KIAA1549: variants seen among roughly 807,000 people sequenced by gnomAD.
KIAA1549 encodes KIAA1549.
In KIAA1549, 70 loss-of-function variants were observed where a neutral mutation model predicts 156.4. The ratio of observed to expected loss-of-function variants is 0.45; its 90% confidence interval spans 0.37 to 0.55. The LOEUF is 0.55. KIAA1549 is among the 20% of genes least tolerant of loss of function. KIAA1549 has a pLI of 0.00. For missense variants in KIAA1549, 2,428 were observed against 2,540.9 expected (o/e 0.96, Z 0.96); for synonymous variants, 1,103 against 1,066.4 (o/e 1.03, Z -0.67).
In KIAA1549 at chr7:138,917,279, C is replaced by T. The variant is rs757140160; in HGVS notation, c.2347G>A (p.Gly783Arg). 8 of 1,613,744 alleles carry T rather than the reference C, an allele frequency of 5.0e-6. No homozygotes were observed. The highest frequency in any genetic ancestry group is 1.6e-4 in the Middle Eastern group (1 of 6,062). The change falls in exon 2 of 20, where the codon GGG becomes AGG. Residue 783 changes from glycine to arginine, a missense_variant. Physicochemically the swap from Gly to Arg is moderately radical, Grantham distance 125. Coordinates refer to ENST00000422774, the MANE Select transcript of KIAA1549 (RefSeq NM_001164665.2). ...GTCAATGGTGATGTTGCTTGAATCC[C>T]GGCAGTCAAAATGTCAAAAGACTCA... ...GSESFDILTAGIQATSPLTTV... is the reference protein window; with the variant it reads ...GSESFDILTARIQATSPLTTV...
At chr7:138,910,823 C>G (rs1247115179) in intron 4 of KIAA1549, among the ~76,000 whole-genome samples, 1 of 150,610 alleles carries the variant, frequency 6.6e-6, no homozygotes, top group African/African-American at 2.5e-5. Flanking sequence ...TCAGCTCCCA[C>G]CTGGTGGGAC....
chr7:138,909,020 G>A lies in KIAA1549; in HGVS notation c.3247C>T (p.His1083Tyr), dbSNP rs768385516. ...ACCGTGAGGTTATACGTTCCCTGGTGGTGTTTTCTCACTTCAAAGAGAGCT... is the reference window on the plus strand; with the variant it reads ...ACCGTGAGGTTATACGTTCCCTGGTAGTGTTTTCTCACTTCAAAGAGAGCT... Reference protein sequence around the residue: ...MTALFEVRKHHQGTYNLTVQI... With the variant: ...MTALFEVRKHYQGTYNLTVQI... Residue 1083 changes from histidine (H) to tyrosine (Y), a missense_variant, in exon 5 of 20, where the codon CAC becomes TAC. Physicochemically the swap from His to Tyr is moderately conservative, Grantham distance 83. This residue lies in a region of KIAA1549 where 762 missense variants were observed against 901.6 expected (regional missense o/e 0.85). Transcript: ENST00000422774. 7 of 1,614,026 alleles carry A rather than the reference G, an allele frequency of 4.3e-6. No homozygotes were observed. The South Asian group carries it at 4.4e-5, about 10-fold the overall frequency.
At chr7:138,888,713 A>G (rs1370380251) in intron 10 of KIAA1549, among the ~76,000 whole-genome samples, 1 of 152,250 alleles carries the variant, frequency 6.6e-6, no homozygotes, top group Non-Finnish European at 1.5e-5. Flanking sequence ...CCTCCTGCAC[A>G]TTAAAAAATC....
chr7:138,912,190 T>C (rs1812188370), intron 3 of KIAA1549, among the ~76,000 whole-genome samples, 182 bp downstream of exon 3: 1 of 152,058 alleles, frequency 6.6e-6, no homozygotes, highest in Non-Finnish European at 1.5e-5. Context: ...AGGAAAGACC[T>C]CCTCGATGCA....
At chr7:138,923,326 C>T (rs1812614697) in intron 1 of KIAA1549, among the ~76,000 whole-genome samples, 1 of 152,208 alleles carries the variant, frequency 6.6e-6, no homozygotes, top group African/African-American at 2.4e-5. Flanking sequence ...TAAGGCCAGA[C>T]GTGGTGGCTC....
chr7:138,959,270 A>G lies in KIAA1549; in HGVS notation c.187+21813T>C, dbSNP rs1311791822. On this transcript the variant is annotated intron_variant, in intron 1 of 19. Transcript: ENST00000422774. ...ATTCCCTCTTGGCAATCAACTAAAC[A>G]TCAAGACTTAAATAGCACCACAAAT... Among the ~76,000 whole-genome samples, 6 of 152,338 alleles carry G rather than the reference A, an allele frequency of 3.9e-5. No individual in the cohort carries two copies. In the East Asian group the frequency reaches 1.2e-3, roughly 29 times the overall value.
intron 16 of KIAA1549, among the ~76,000 whole-genome samples, chr7:138,858,178 TG>T (rs1336866230): frequency 1.3e-5 from 2 of 152,064 alleles, no homozygotes; most frequent in East Asian, 3.9e-4. Context: ...TGGAGTGCAG[TG>T]GTGCAATCAT....
intron 1 of KIAA1549, among the ~76,000 whole-genome samples, chr7:138,936,228 G>A (rs2130513485): frequency 6.6e-6 from 1 of 152,196 alleles, no homozygotes; most frequent in South Asian, 2.1e-4. Flanking sequence ...GGGGAAGACA[G>A]AACAAAAAGT....
In KIAA1549 at chr7:138,881,541, T is replaced by C; in HGVS notation, c.4076A>G (p.His1359Arg). The change falls in exon 11 of 20, where the codon CAT (histidine) becomes CGT (arginine). Residue 1359 changes from histidine (H) to arginine (R), a missense_variant. This residue lies in a region of KIAA1549 where 762 missense variants were observed against 901.6 expected (regional missense o/e 0.85). Coordinates refer to ENST00000422774, the MANE Select transcript of KIAA1549 (RefSeq NM_001164665.2). ...SVKGFDFAKQ[H>R]LGQHNKDDIL... ...GTCGTCTTTATTGTGCTGACCCAGA[T>C]GCTGCTTAGCAAAATCGAAGCCCTT... 1 of 1,613,970 alleles carries C rather than the reference T, an allele frequency of 6.2e-7. No individual in the cohort carries two copies. The highest frequency in any genetic ancestry group is 8.5e-7 in the Non-Finnish European group (1 of 1,179,882).
At chr7:138,925,551 G>A (rs868908) in intron 1 of KIAA1549, among the ~76,000 whole-genome samples, 3,755 of 152,182 alleles carry the variant, frequency 0.025, 73 homozygotes, top group Admixed American at 0.043. Context: ...AGGTGCTAGT[G>A]GCTCACCGCT....
intron 1 of KIAA1549, among the ~76,000 whole-genome samples, chr7:138,955,289 T>C (rs1813628371): frequency 6.6e-6 from 1 of 152,160 alleles, no homozygotes; most frequent in Non-Finnish European, 1.5e-5. Flanking sequence ...ATACACACAA[T>C]GGAATATCAC....
At chr7:138,853,841 A>C (rs1810302684) in intron 16 of KIAA1549, among the ~76,000 whole-genome samples, 1 of 152,242 alleles carries the variant, frequency 6.6e-6, no homozygotes, top group African/African-American at 2.4e-5. Flanking sequence ...CTTTCGGCAC[A>C]GTATGGGTTT....
At chr7:138,889,493 T>C (rs1700233376) in intron 10 of KIAA1549, among the ~76,000 whole-genome samples, 1 of 152,212 alleles carries the variant, frequency 6.6e-6, no homozygotes, top group South Asian at 2.1e-4. Context: ...AATAAGAATT[T>C]AGATACAATA....
At chr7:138,869,239 T>A (rs2130381453) in intron 14 of KIAA1549, among the ~76,000 whole-genome samples, 1 of 152,220 alleles carries the variant, frequency 6.6e-6, no homozygotes, top group Non-Finnish European at 1.5e-5. Flanking sequence ...CAGGCTGAAT[T>A]GGAAGAGACA....
rs569670756 is a variant in KIAA1549 at position 138,891,789 on chromosome 7, C to A, written c.4032+2553G>T. On this transcript the variant is annotated intron_variant, in intron 10 of 19. Transcript: ENST00000422774. ...AGACAACAGCCACATGAGCAGGAGACAGAGCTCTTGAAGTCATAGGGGAGG... is the reference window on the plus strand; with the variant it reads ...AGACAACAGCCACATGAGCAGGAGAAAGAGCTCTTGAAGTCATAGGGGAGG... Among the ~76,000 whole-genome samples, 15 of 152,252 alleles carry A rather than the reference C, an allele frequency of 9.9e-5. No homozygotes were observed. In the East Asian group the frequency reaches 2.5e-3, roughly 25 times the overall value.
intron 10 of KIAA1549, among the ~76,000 whole-genome samples, chr7:138,884,045 G>A (rs1460278420): frequency 6.6e-6 from 1 of 152,162 alleles, no homozygotes; most frequent in African/African-American, 2.4e-5. Flanking sequence ...AACCTTCAGG[G>A]AGGGAAGAGG....
intron 1 of KIAA1549, among the ~76,000 whole-genome samples, chr7:138,943,634 G>C (rs1813250737): frequency 6.6e-6 from 1 of 152,146 alleles, no homozygotes; most frequent in Non-Finnish European, 1.5e-5. Flanking sequence ...TGGATCACAA[G>C]GTCAGGAGAT....
chr7:138,918,367 C>A lies in KIAA1549; in HGVS notation c.1259G>T (p.Trp420Leu). 6.2e-7 allele frequency: 1 copy of A among 1,613,906 alleles called. No individual in the cohort carries two copies. Among genetic ancestry groups the A allele is most frequent in the Non-Finnish European group, 8.5e-7 (1 of 1,179,882 alleles). The part of the protein sequence containing the change: ...SPVSSFRPYT[W>L]CAACTVPSPQ... The stretch of plus-strand genomic sequence containing the variant: ...TGAAGGCACAGTGCAGGCCGCACAC[C>A]AAGTGTATGGTCTGAATGAGGACAC... The change falls in exon 2 of 20, where the codon TGG (tryptophan) becomes TTG (leucine). Residue 420 changes from tryptophan to leucine, a missense_variant. By Grantham distance (61) the Trp-to-Leu change is moderately conservative (BLOSUM62 -2). Transcript: ENST00000422774. This position sits in a 1 kb window ranked among gnomAD's most constrained non-coding sequence, Gnocchi z 4.2.
At chr7:138,937,213 C>T (rs1275879944) in intron 1 of KIAA1549, among the ~76,000 whole-genome samples, 1 of 151,866 alleles carries the variant, frequency 6.6e-6, no homozygotes, top group Non-Finnish European at 1.5e-5. Context: ...CTATCACACC[C>T]CAGAACCCCC....
Sources: allele counts gnomAD v4.1 joint callset (sites outside exome capture counted in the v4.1 genomes callset), GRCh38; gene constraint gnomAD v4.1.1; regional missense constraint gnomAD v4.1.1; non-coding constraint Gnocchi (gnomAD v3.1); transcripts MANE v1.5; gene names NCBI Gene and HGNC (gene_info 2026-07-23, HGNC 2026-07-21).